The following C8orf34 variants were observed in gnomAD, a reference collection of about 807,000 sequenced individuals.
C8orf34 encodes uncharacterized protein C8orf34.
C8orf34 carries 65 observed loss-of-function variants against 68.3 expected under a neutral mutation model. The ratio of observed to expected loss-of-function variants is 0.95; its 90% CI spans 0.78 to 1.17. The LOEUF (loss-of-function observed/expected upper bound fraction) is 1.17, where lower values mean the gene tolerates loss of function less well. C8orf34 is among the 50% of genes most tolerant of loss of function. The pLI is 0.00. For synonymous variants in C8orf34, 244 were observed against 241.2 expected, an observed-to-expected ratio of 1.01 and a Z score of -0.11; for missense variants, 664 against 655.4, an observed-to-expected ratio of 1.01 and a Z score of -0.14.
chr8:68,362,299 TAC>T (rs1201485542), intron 1 of C8orf34, among the ~76,000 whole-genome samples: 2 of 152,212 alleles, frequency 1.3e-5, no homozygotes, highest in Admixed American at 6.5e-5. Flanking sequence ...ATAGAGTTTA[TAC>T]ACATTCTCAA....
intron 7 of C8orf34, among the ~76,000 whole-genome samples, chr8:68,588,676 G>A (rs1372661197): frequency 1.3e-5 from 2 of 152,098 alleles, no homozygotes; most frequent in East Asian, 3.9e-4. Flanking sequence ...CATTAGATAG[G>A]TCTTCATGCA....
chr8:68,718,249 C>A (rs980500836), intron 9 of C8orf34, among the ~76,000 whole-genome samples: 1 of 152,112 alleles, frequency 6.6e-6, no homozygotes, highest in Non-Finnish European at 1.5e-5. Context: ...AATACAAAAC[C>A]AGGCACAAGA....
At chr8:68,367,683 G>T (rs1807339502) in intron 1 of C8orf34, among the ~76,000 whole-genome samples, 1 of 143,238 alleles carries the variant, frequency 7.0e-6, no homozygotes, top group Admixed American at 7.1e-5. Flanking sequence ...CTCACTCATA[G>T]GTGGGAATTG....
intron 8 of C8orf34, among the ~76,000 whole-genome samples, chr8:68,691,070 G>A (rs1363949249): frequency 3.3e-5 from 5 of 152,052 alleles, no homozygotes; most frequent in Admixed American, 2.6e-4. Context: ...AGTACTTTTA[G>A]CTCAAATTAA....
intron 3 of C8orf34, among the ~76,000 whole-genome samples, chr8:68,448,851 G>T (rs193056610): frequency 2.8e-4 from 42 of 151,972 alleles, no homozygotes; most frequent in Non-Finnish European, 4.4e-4. Flanking sequence ...AGCCTATATG[G>T]CTAAAGTAAT....
At chr8:68,629,734 A>T (rs920307010) in intron 7 of C8orf34, among the ~76,000 whole-genome samples, 5 of 152,094 alleles carry the variant, frequency 3.3e-5, no homozygotes, top group African/African-American at 1.2e-4. Context: ...AGAAAAAGAT[A>T]TTTTAAAATA....
At chr8:68,734,182 G>C (rs983962790) in intron 10 of C8orf34, among the ~76,000 whole-genome samples, 2 of 152,122 alleles carry the variant, frequency 1.3e-5, no homozygotes, top group African/African-American at 4.8e-5. Context: ...AGGTAATCAA[G>C]AACTAGTAGA....
intron 1 of C8orf34, among the ~76,000 whole-genome samples, chr8:68,369,129 T>C (rs1387546513): frequency 6.6e-6 from 1 of 152,210 alleles, no homozygotes; most frequent in African/African-American, 2.4e-5. Flanking sequence ...GTAATAAATA[T>C]TTTTATCCTT....
intron 3 of C8orf34, among the ~76,000 whole-genome samples, chr8:68,450,577 C>T (rs1056369551): frequency 2.6e-5 from 4 of 152,060 alleles, no homozygotes; most frequent in South Asian, 2.1e-4. Context: ...TTAACAGACA[C>T]GAAAATATTA....
intron 12 of C8orf34, among the ~76,000 whole-genome samples, chr8:68,814,348 A>G (rs1824745457): frequency 6.6e-6 from 1 of 152,218 alleles, no homozygotes; most frequent in Admixed American, 6.5e-5. Context: ...AAGAACTACT[A>G]ATACAGAGCA....
Position 68,813,982 on chromosome 8 carries a change from A to G in C8orf34, c.1550-1904A>G, listed in dbSNP as rs1446116409. Reference sequence around the variant, plus strand: ...GCATCCAACTCTAAAGTCTTACATTACTGTAATCTGCTATCTGTCACAAAC... The same window carrying G: ...GCATCCAACTCTAAAGTCTTACATTGCTGTAATCTGCTATCTGTCACAAAC... On this transcript the variant is annotated intron_variant, in intron 12 of 13. Coordinates refer to ENST00000518698, the MANE Select transcript of C8orf34 (RefSeq NM_052958.4). 1.4e-4 allele frequency among the ~76,000 whole-genome samples: 21 copies of G among 152,198 alleles called. 1 individual carries two copies. The highest frequency in any genetic ancestry group is 1.4e-3 in the Admixed American group (21 of 15,278).
At chr8:68,434,898 A>C (rs976078494) in intron 1 of C8orf34, among the ~76,000 whole-genome samples, 2 of 151,802 alleles carry the variant, frequency 1.3e-5, no homozygotes, top group African/African-American at 4.8e-5. Flanking sequence ...TACAAAAAAT[A>C]ATTAGCTGGG....
At chr8:68,804,103 C>A (rs1824413633) in intron 12 of C8orf34, among the ~76,000 whole-genome samples, 2 of 152,164 alleles carry the variant, frequency 1.3e-5, no homozygotes, top group Non-Finnish European at 2.9e-5. Flanking sequence ...TGCAGTCTAA[C>A]AAAGCATCCT....
intron 12 of C8orf34, chr8:68,791,143 G>A: frequency 2.3e-6 from 1 of 425,976 alleles, no homozygotes; most frequent in Non-Finnish European, 4.1e-6. Context: ...CTGAGACTGG[G>A]TAATTGTAAA....
chr8:68,484,053 C>A (rs1812972203), intron 4 of C8orf34, among the ~76,000 whole-genome samples: 1 of 152,124 alleles, frequency 6.6e-6, no homozygotes, highest in African/African-American at 2.4e-5. Context: ...GCAGGCTGTA[C>A]AGGAAGCATA....
At chr8:68,445,097 A>G (rs796210886) in intron 2 of C8orf34, among the ~76,000 whole-genome samples, 1 of 152,158 alleles carries the variant, frequency 6.6e-6, no homozygotes, top group South Asian at 2.1e-4. Context: ...CAGACCGTGG[A>G]CAAATATTTA....
In C8orf34 at chr8:68,449,574, G is replaced by C. The variant is rs185112701; in HGVS notation, c.607+3114G>C. ...TAAAGTGAATATCACAATATCAGTCGCACAATTTTTTTTGTTTCCCAGCAC... is the reference window on the plus strand; with the variant it reads ...TAAAGTGAATATCACAATATCAGTCCCACAATTTTTTTTGTTTCCCAGCAC... On this transcript the variant is annotated intron_variant, in intron 3 of 13. Transcript: ENST00000518698. Among the ~76,000 whole-genome samples, 327 of 151,598 alleles carry C rather than the reference G, an allele frequency of 2.2e-3. 1 individual carries two copies. Among genetic ancestry groups the C allele is most frequent in the African/African-American group, 7.1e-3 (294 of 41,462 alleles).
At chr8:68,484,298 C>A (rs114011592) in intron 4 of C8orf34, among the ~76,000 whole-genome samples, 7 of 152,170 alleles carry the variant, frequency 4.6e-5, no homozygotes, top group African/African-American at 1.7e-4. Context: ...CCCCATGATC[C>A]AGTCACCTCC....
chr8:68,646,395 A>C (rs1819173182), intron 8 of C8orf34, among the ~76,000 whole-genome samples: 1 of 152,060 alleles, frequency 6.6e-6, no homozygotes, highest in African/African-American at 2.4e-5. Context: ...GTTTTGATAT[A>C]TTTTTATTTT....
Sources: allele counts gnomAD v4.1 joint callset (sites outside exome capture counted in the v4.1 genomes callset), GRCh38; gene constraint gnomAD v4.1.1; transcripts MANE v1.5; gene names NCBI Gene and HGNC (gene_info 2026-07-23, HGNC 2026-07-21).